Variants in RYR1 observed in about 807,000 individuals in gnomAD.
RYR1 encodes central core disease of muscle.
Under a neutral mutation model 583.5 loss-of-function variants are expected in RYR1, and 342 were observed. The ratio of observed to expected loss-of-function variants is 0.59; its 90% CI spans 0.54 to 0.64. The LOEUF is 0.64. Among genes scored for constraint, RYR1 ranks in the 30% least tolerant of loss-of-function variants. The probability of loss-of-function intolerance (pLI) is 0.00; values close to 1 mark genes in which losing one functional copy is unlikely to be tolerated. For missense variants in RYR1, 6,032 were observed against 6,917.2 expected, an observed-to-expected ratio of 0.87 and a Z score of 4.54; for synonymous variants, 2,791 against 2,822.5, an observed-to-expected ratio of 0.99 and a Z score of 0.35.
intron 1 of RYR1, among the ~76,000 whole-genome samples, chr19:38,436,218 T>G (rs534122303): frequency 6.6e-6 from 1 of 151,906 alleles, no homozygotes; most frequent in Non-Finnish European, 1.5e-5. Context: ...CCTTTTTTTT[T>G]CTTTTTGAGA....
intron 50 of RYR1, 94 bp from the exon 51 acceptor site, chr19:38,504,654 G>T (rs563523971): frequency 1.3e-6 from 2 of 1,526,414 alleles, no homozygotes; most frequent in African/African-American, 1.4e-5. Context: ...GGTTCAGGGA[G>T]GAGGGCTGAT....
intron 3 of RYR1, 71 bp downstream of exon 3, chr19:38,442,524 C>T (rs548470548): frequency 1.1e-4 from 121 of 1,134,018 alleles, no homozygotes; most frequent in Non-Finnish European, 1.4e-4. Flanking sequence ...GTTTAGGGCA[C>T]GGTGGCAAGG....
At position 38,494,557 on chromosome 19, in the gene RYR1, C is replaced by G. The variant is rs2145578379; in HGVS notation, c.6480C>G (p.Gly2160=). ...EDTMSLLECL[G]QIRSLLIVQM... is the part of the protein sequence containing the mutation. ...CCATGAGCCTGCTCGAGTGCCTCGG[C>G]CAGATCCGCTCGCTGCTCATCGTGC... Residue 2160 remains glycine (G), a synonymous_variant, in exon 39 of 106, where the codon GGC becomes GGG. Coordinates refer to ENST00000359596, the MANE Select transcript of RYR1 (RefSeq NM_000540.3). 2 of 1,614,110 alleles carry G rather than the reference C, an allele frequency of 1.2e-6. No individual in the cohort carries two copies. Among genetic ancestry groups the G allele is most frequent in the Non-Finnish European group, 1.7e-6 (2 of 1,180,028 alleles).
At chr19:38,553,334 C>CAAAAAAA (rs566497167) in intron 89 of RYR1, among the ~76,000 whole-genome samples, 3 of 80,950 alleles carry the variant, frequency 3.7e-5, no homozygotes, top group African/African-American at 9.6e-5. Flanking sequence ...GACTCCATAT[C>CAAAAAAA]AAAAAAAAAA....
chr19:38,469,667 C>T (rs76563952), intron 27 of RYR1, among the ~76,000 whole-genome samples, 154 bp downstream of exon 27: 1 of 152,070 alleles, frequency 6.6e-6, no homozygotes, highest in South Asian at 2.1e-4. Flanking sequence ...TGTATGACTC[C>T]GGGTGTAACT....
chr19:38,455,080 G>T (rs1967294535), intron 13 of RYR1, among the ~76,000 whole-genome samples, 155 bp from the exon 14 acceptor site: 1 of 152,164 alleles, frequency 6.6e-6, no homozygotes, highest in Admixed American at 6.6e-5. Flanking sequence ...AGAGCAATGG[G>T]ACTGATTGGG....
At chr19:38,527,849 T>A in intron 73 of RYR1, 65 bp downstream of exon 73, 1 of 1,582,194 alleles carries the variant, frequency 6.3e-7, no homozygotes, top group Non-Finnish European at 8.7e-7. Context: ...GGGAGGGGCT[T>A]CAAGGATGTG....
chr19:38,515,148 G>C lies in RYR1; in HGVS notation c.9554+41G>C. 5 of 1,181,716 alleles carry C rather than the reference G, an allele frequency of 4.2e-6. No individual in the cohort carries two copies. In the South Asian group the frequency reaches 4.9e-5, roughly 12 times the overall value. 73.2% of individuals were successfully genotyped at this position (1,181,716 alleles called of 1,614,324 possible). On this transcript the variant is annotated intron_variant, in intron 64 of 105. Coordinates refer to ENST00000359596, the MANE Select transcript of RYR1 (RefSeq NM_000540.3). Reference sequence around the variant, plus strand: ...CATCGTTTGGGGCTGGGTGGGGCTGGAGGGGAAGGGAGGGAGCAGGGGAAG... The same window carrying C: ...CATCGTTTGGGGCTGGGTGGGGCTGCAGGGGAAGGGAGGGAGCAGGGGAAG...
In RYR1 at chr19:38,468,985, G is replaced by T; in HGVS notation, c.3401G>T (p.Gly1134Val). ...NGHRGQRWHL[G>V]SEPFGRPWQP... ...TCACAGGGCCAGCGCTGGCACTTGG[G>T]CAGTGAACCATTTGGGCGCCCCTGG... Residue 1134 changes from glycine to valine, a missense_variant, in exon 26 of 106, where the codon GGC (glycine) becomes GTC (valine). Transcript: ENST00000359596. 1.2e-6 allele frequency: 2 copies of T among 1,614,116 alleles called. No homozygotes were observed. Among genetic ancestry groups the T allele is most frequent in the Non-Finnish European group, 1.7e-6 (2 of 1,180,030 alleles).
At chr19:38,557,832 T>C (rs1972946211) in intron 89 of RYR1, among the ~76,000 whole-genome samples, 2 of 151,366 alleles carry the variant, frequency 1.3e-5, no homozygotes, top group African/African-American at 4.9e-5. Flanking sequence ...ATACAAAAAT[T>C]AGCTAGGCAT....
chr19:38,515,786 A>T (rs576328673), intron 64 of RYR1, among the ~76,000 whole-genome samples: 57 of 150,950 alleles, frequency 3.8e-4, no homozygotes, highest in African/African-American at 1.4e-3. Flanking sequence ...GACTTTTTTT[A>T]AAACTAGCTA....
intron 78 of RYR1, among the ~76,000 whole-genome samples, 154 bp from the exon 79 acceptor site, chr19:38,534,566 G>A (rs758755647): frequency 3.3e-5 from 5 of 152,160 alleles, no homozygotes; most frequent in Admixed American, 6.5e-5. Flanking sequence ...GAGATACATC[G>A]AGGGTGTGAG....
chr19:38,584,883 C>T lies in RYR1; in HGVS notation c.14647-60C>T, dbSNP rs7507518. Reference sequence around the variant, plus strand: ...TCTTCAGCCCTGCCTATCCCGGGGCCTTGGCTGGTACTCAGTGAATGTCGA... The same window carrying T: ...TCTTCAGCCCTGCCTATCCCGGGGCTTTGGCTGGTACTCAGTGAATGTCGA... On this transcript the variant is annotated intron_variant, in intron 101 of 105. Coordinates refer to ENST00000359596, the MANE Select transcript of RYR1 (RefSeq NM_000540.3). 6.2e-7 allele frequency: 1 copy of T among 1,607,016 alleles called. No homozygotes were observed. Among genetic ancestry groups the T allele is most frequent in the East Asian group, 2.2e-5 (1 of 44,666 alleles).
chr19:38,569,088 G>A (rs1427561179), intron 93 of RYR1, among the ~76,000 whole-genome samples: 1 of 151,852 alleles, frequency 6.6e-6, no homozygotes, highest in Non-Finnish European at 1.5e-5. Context: ...TCGGCTCACT[G>A]CAAGCTCTGA....
At chr19:38,446,346 T>G (rs1281640915) in intron 7 of RYR1, 126 bp from the exon 8 acceptor site, 3 of 746,540 alleles carry the variant, frequency 4.0e-6, no homozygotes, top group East Asian at 2.7e-5. Context: ...GACCTCCAAC[T>G]GCAAAACCCC....
chr19:38,516,037 G>C, intron 64 of RYR1, 50 bp from the exon 65 acceptor site: 1 of 1,534,332 alleles, frequency 6.5e-7, no homozygotes, highest in Non-Finnish European at 8.8e-7. Context: ...TGGGACCCAG[G>C]ACCCCAAAGA....
intron 21 of RYR1, 24 bp from the exon 22 acceptor site, chr19:38,463,723 G>T: frequency 6.2e-7 from 1 of 1,604,898 alleles, no homozygotes; most frequent in Non-Finnish European, 8.5e-7. Flanking sequence ...GGAGCACATG[G>T]AGTTGACCCT....
chr19:38,463,489 G>C lies in RYR1; in HGVS notation c.2644G>C (p.Ala882Pro). ...GGCGGAGAACATCCACGAGCTCTGG[G>C]CGCTAACCCGCATCGAGCAGGGCTG... ...KLAENIHELW[A>P]LTRIEQGWTY... The change falls in exon 21 of 106, where the codon GCG (alanine) becomes CCG (proline). Residue 882 changes from alanine to proline, a missense_variant. Around this residue, in one of 11 missense-constraint regions of RYR1, gnomAD observed 2,627 missense variants for 2,961.3 expected, o/e 0.89. Transcript: ENST00000359596. 1 of 1,613,422 alleles carries C rather than the reference G, an allele frequency of 6.2e-7. No individual in the cohort carries two copies. Among genetic ancestry groups the C allele is most frequent in the Non-Finnish European group, 8.5e-7 (1 of 1,180,004 alleles).
rs763627682 is a variant in RYR1, at chr19:38,496,204, C to T, written c.6549-11C>T. 1.9e-6 allele frequency: 3 copies of T among 1,610,598 alleles called. No individual in the cohort carries two copies. Among genetic ancestry groups the T allele is most frequent in the Admixed American group, 3.3e-5 (2 of 60,016 alleles). On this transcript the variant is annotated splice_polypyrimidine_tract_variant and intron_variant, in intron 39 of 105. Transcript: ENST00000359596. This position sits in a 1 kb window ranked among gnomAD's most constrained non-coding sequence, Gnocchi z 4.8. ...GCCCCTGGTGACCCCGCACACTCTG[C>T]CCGTGCACAGGAACATCATGAACAA...
Sources: allele counts gnomAD v4.1 joint callset (sites outside exome capture counted in the v4.1 genomes callset), GRCh38; gene constraint gnomAD v4.1.1; regional missense constraint gnomAD v4.1.1; non-coding constraint Gnocchi (gnomAD v3.1); transcripts MANE v1.5; gene names NCBI Gene and HGNC (gene_info 2026-07-23, HGNC 2026-07-21).